Variants in CADM2 observed in about 807,000 individuals in gnomAD.
CADM2 encodes cell adhesion molecule 2, also known as immunoglobulin superfamily member 4D.
A neutral mutation model predicts 49.8 loss-of-function variants in CADM2; 12 were observed. The observed-to-expected ratio is 0.24, with a 90% CI of 0.15 to 0.39. The LOEUF (loss-of-function observed/expected upper bound fraction) is 0.39, where lower values mean the gene tolerates loss of function less well. CADM2 is among the 10% of genes least tolerant of loss of function. The probability of loss-of-function intolerance (pLI) is 1.00; values close to 1 mark genes in which losing one functional copy is unlikely to be tolerated. For missense variants in CADM2, 378 were observed against 492.3 expected (o/e 0.77, Z 2.20); for synonymous variants, 214 against 175.4 (o/e 1.22, Z -1.74).
chr3:86,044,409 C>A (rs139660685), intron 8 of CADM2, among the ~76,000 whole-genome samples: 9,942 of 152,206 alleles, frequency 0.065, 862 homozygotes, highest in African/African-American at 0.19. Context: ...AGGATATGAA[C>A]AGACACTTCT....
chr3:85,446,545 G>T (rs897327365), intron 1 of CADM2, among the ~76,000 whole-genome samples: 2 of 151,060 alleles, frequency 1.3e-5, no homozygotes, highest in Non-Finnish European at 2.9e-5. Context: ...TGAAGATAAG[G>T]ATAAAAGGAT....
At chr3:85,669,880 C>G (rs1180011174) in intron 1 of CADM2, among the ~76,000 whole-genome samples, 1 of 151,894 alleles carries the variant, frequency 6.6e-6, no homozygotes, top group African/African-American at 2.4e-5. Flanking sequence ...TTGTCGTTGT[C>G]GTTAAACCCT....
At chr3:85,739,373 G>A (rs968398749) in intron 2 of CADM2, among the ~76,000 whole-genome samples, 23 of 152,114 alleles carry the variant, frequency 1.5e-4, no homozygotes, top group African/African-American at 5.5e-4. Context: ...TGATAGAGAT[G>A]AATACATTTA....
chr3:85,819,264 G>T lies in CADM2; in HGVS notation c.238+17068G>T, dbSNP rs548534330. Among the ~76,000 whole-genome samples, 4 of 152,200 alleles carry T rather than the reference G, an allele frequency of 2.6e-5. No homozygotes were observed. In the South Asian group the frequency reaches 8.3e-4, roughly 32 times the overall value. ...ATTGGTGCTGGCAGCGGATTGGATG[G>T]TGCCCACCCACATTGAGAGTGGGTC... On this transcript the variant is annotated intron_variant, in intron 3 of 9. Coordinates refer to ENST00000383699, the MANE Select transcript of CADM2 (RefSeq NM_001167675.2).
chr3:85,727,210 A>G (rs2067738190), intron 2 of CADM2, among the ~76,000 whole-genome samples: 2 of 152,122 alleles, frequency 1.3e-5, no homozygotes, highest in Admixed American at 6.6e-5. Context: ...CATTCTGTTT[A>G]GAGCAGTCTA....
chr3:85,483,750 G>T (rs543126217), intron 1 of CADM2, among the ~76,000 whole-genome samples: 1 of 150,944 alleles, frequency 6.6e-6, no homozygotes, highest in East Asian at 1.9e-4. Context: ...ATATAATGTT[G>T]AATAAGGAGT....
intron 3 of CADM2, among the ~76,000 whole-genome samples, chr3:85,837,479 T>C (rs1460797536): frequency 6.6e-6 from 1 of 151,668 alleles, no homozygotes; most frequent in Non-Finnish European, 1.5e-5. Flanking sequence ...ATGGTGGGTT[T>C]AACCTGTTAG....
At chr3:85,844,794 G>A (rs1559696681) in intron 3 of CADM2, among the ~76,000 whole-genome samples, 2 of 151,978 alleles carry the variant, frequency 1.3e-5, no homozygotes, top group East Asian at 1.9e-4. Context: ...GAGCAGTCAG[G>A]TCATCTTAAT....
intron 1 of CADM2, among the ~76,000 whole-genome samples, chr3:85,156,431 T>C (rs2040125396): frequency 6.6e-6 from 1 of 152,106 alleles, no homozygotes; most frequent in African/African-American, 2.4e-5. Flanking sequence ...CAGGAAGAAG[T>C]TGAATCTCTG....
intron 1 of CADM2, among the ~76,000 whole-genome samples, chr3:85,450,281 A>G (rs2037694020): frequency 6.6e-6 from 1 of 152,174 alleles, no homozygotes; most frequent in African/African-American, 2.4e-5. Context: ...TCAACAAATA[A>G]CTGAAATAAT....
chr3:85,208,931 C>T (rs1326355156), intron 1 of CADM2, among the ~76,000 whole-genome samples: 1 of 152,108 alleles, frequency 6.6e-6, no homozygotes, highest in Non-Finnish European at 1.5e-5. Context: ...TTCATCTTAA[C>T]ACCTCCTAAA....
At chr3:84,992,444 T>A (rs895679633) in intron 1 of CADM2, among the ~76,000 whole-genome samples, 4 of 151,888 alleles carry the variant, frequency 2.6e-5, no homozygotes, top group African/African-American at 9.7e-5. Flanking sequence ...TCCTGGCCAA[T>A]GTGGTGAAAC....
At chr3:85,685,646 C>T (rs1317321836) in intron 1 of CADM2, among the ~76,000 whole-genome samples, 3 of 124,780 alleles carry the variant, frequency 2.4e-5, no homozygotes, top group Middle Eastern at 6.4e-3. Context: ...GTTTTTAAGA[C>T]GGAGTCTCCC....
chr3:85,320,450 A>G (rs1234384283), intron 1 of CADM2, among the ~76,000 whole-genome samples: 1 of 152,216 alleles, frequency 6.6e-6, no homozygotes, highest in African/African-American at 2.4e-5. Flanking sequence ...CGCAAGCTAC[A>G]GTATGAAAGT....
chr3:85,091,913 A>C (rs1198178117), intron 1 of CADM2, among the ~76,000 whole-genome samples: 7 of 152,160 alleles, frequency 4.6e-5, no homozygotes, highest in Non-Finnish European at 1.0e-4. Context: ...CCAATAATTA[A>C]TGTGTCACTT....
intron 1 of CADM2, among the ~76,000 whole-genome samples, chr3:85,452,008 G>A (rs1206899044): frequency 1.3e-5 from 2 of 152,082 alleles, no homozygotes; most frequent in Non-Finnish European, 1.5e-5. Flanking sequence ...CTTTAAATTA[G>A]AGAGCAATGC....
Position 85,386,071 on chromosome 3 carries a change from C to T in CADM2, c.62-340451C>T, listed in dbSNP as rs191293933. On this transcript the variant is annotated intron_variant, in intron 1 of 9. Coordinates refer to ENST00000383699, the MANE Select transcript of CADM2 (RefSeq NM_001167675.2). Reference sequence around the variant, plus strand: ...TGAGAAGCTATGTTTGAAGGAATCTCGGCTTTCCCCTAACTACATACTACT... The same window carrying T: ...TGAGAAGCTATGTTTGAAGGAATCTTGGCTTTCCCCTAACTACATACTACT... Among the ~76,000 whole-genome samples the T allele has an allele frequency of 1.3e-3, 200 of 152,232 alleles. 1 individual carries two copies. Among genetic ancestry groups the T allele is most frequent in the East Asian group, 7.5e-3 (39 of 5,172 alleles).
At chr3:85,746,747 C>T (rs573533125) in intron 2 of CADM2, among the ~76,000 whole-genome samples, 4 of 152,012 alleles carry the variant, frequency 2.6e-5, no homozygotes, top group African/African-American at 4.8e-5. Flanking sequence ...ATTGTCTTCC[C>T]GTGACTCAGG....
At chr3:85,848,740 C>A (rs999798395) in intron 3 of CADM2, among the ~76,000 whole-genome samples, 1 of 151,988 alleles carries the variant, frequency 6.6e-6, no homozygotes, top group Non-Finnish European at 1.5e-5. Context: ...ATTTAAGAAA[C>A]GCATACAACA....
Sources: gnomAD v4.1 joint callset for allele counts (sites outside exome capture counted in the v4.1 genomes callset) on GRCh38, gnomAD v4.1.1 for gene constraint, MANE v1.5 for transcripts, NCBI Gene and HGNC (gene_info 2026-07-23, HGNC 2026-07-21) for gene names.